The following CLSTN2 variants were observed in gnomAD, a reference collection of about 807,000 sequenced individuals.
The protein encoded by CLSTN2 is calsyntenin 2.
In CLSTN2, 48 loss-of-function variants were observed where a neutral mutation model predicts 101.2. That is an observed-to-expected ratio of 0.47 (90% CI 0.38 to 0.60). CLSTN2 has a LOEUF of 0.60. Ranked by LOEUF, CLSTN2 falls within the 20% of genes least tolerant of loss-of-function variation. The probability of loss-of-function intolerance (pLI) is 0.00; values close to 1 mark genes in which losing one functional copy is unlikely to be tolerated. For synonymous variants in CLSTN2, 481 were observed against 463.6 expected, an observed-to-expected ratio of 1.04 and a Z score of -0.48; for missense variants, 1,160 against 1,238.2, an observed-to-expected ratio of 0.94 and a Z score of 0.95.
intron 1 of CLSTN2, among the ~76,000 whole-genome samples, chr3:140,070,547 TACTG>T (rs1292416964): frequency 6.6e-6 from 1 of 152,240 alleles, no homozygotes; most frequent in Admixed American, 6.5e-5. Context: ...TTCAAAATCT[TACTG>T]AGGAACAAAA....
intron 2 of CLSTN2, among the ~76,000 whole-genome samples, chr3:140,370,948 G>A (rs182446969): frequency 1.0e-3 from 155 of 152,270 alleles, no homozygotes; most frequent in Non-Finnish European, 8.8e-4. Context: ...TGGCTGCGAG[G>A]GCATGGTGGC....
chr3:140,542,662 GC>G (rs1935507274), intron 9 of CLSTN2, among the ~76,000 whole-genome samples: 2 of 152,032 alleles, frequency 1.3e-5, no homozygotes, highest in South Asian at 2.1e-4. Context: ...ATTTCCTGGA[GC>G]CTTGTCACTG....
intron 2 of CLSTN2, among the ~76,000 whole-genome samples, chr3:140,223,672 C>T (rs1157369764): frequency 6.6e-6 from 1 of 152,158 alleles, no homozygotes; most frequent in African/African-American, 2.4e-5. Context: ...TACTCTGTTT[C>T]CTGTGCCTCT....
chr3:140,162,383 G>A (rs1403540110), intron 1 of CLSTN2, among the ~76,000 whole-genome samples: 1 of 152,144 alleles, frequency 6.6e-6, no homozygotes, highest in Non-Finnish European at 1.5e-5. Context: ...AGATAAGCAG[G>A]GGACTTTGGG....
At chr3:140,183,279 G>A (rs936356344) in intron 2 of CLSTN2, among the ~76,000 whole-genome samples, 1 of 152,144 alleles carries the variant, frequency 6.6e-6, no homozygotes, top group African/African-American at 2.4e-5. Context: ...GACACCCAGG[G>A]AGACAGACTA....
intron 6 of CLSTN2, among the ~76,000 whole-genome samples, chr3:140,450,198 A>C (rs1005248875): frequency 2.0e-5 from 3 of 152,180 alleles, no homozygotes; most frequent in African/African-American, 7.2e-5. Context: ...TGAGGCCCAG[A>C]GAGTGAAAAT....
intron 2 of CLSTN2, among the ~76,000 whole-genome samples, chr3:140,393,417 C>A (rs936443511): frequency 6.6e-6 from 1 of 152,172 alleles, no homozygotes; most frequent in Non-Finnish European, 1.5e-5. Flanking sequence ...ACCTCAAATA[C>A]GTTTAATTGT....
chr3:140,107,126 C>T (rs866178705), intron 1 of CLSTN2, among the ~76,000 whole-genome samples: 1 of 152,144 alleles, frequency 6.6e-6, no homozygotes, highest in Non-Finnish European at 1.5e-5. Flanking sequence ...TAGAGGGCTC[C>T]CAACATCAGA....
At chr3:140,467,691 C>T (rs998074676) in intron 8 of CLSTN2, among the ~76,000 whole-genome samples, 1 of 152,146 alleles carries the variant, frequency 6.6e-6, no homozygotes, top group South Asian at 2.1e-4. Flanking sequence ...TACTACACTA[C>T]CTGCCTCACC....
chr3:140,477,495 A>G (rs1934013088), intron 8 of CLSTN2, among the ~76,000 whole-genome samples: 1 of 152,214 alleles, frequency 6.6e-6, no homozygotes, highest in Non-Finnish European at 1.5e-5. Context: ...GAGGGAAAAA[A>G]GGGAAACTAG....
chr3:140,295,272 T>G (rs1238598470), intron 2 of CLSTN2, among the ~76,000 whole-genome samples: 3 of 152,184 alleles, frequency 2.0e-5, no homozygotes, highest in Non-Finnish European at 4.4e-5. Flanking sequence ...TTTGCGCATT[T>G]CTTTGTGGAA....
rs71627883 is a variant in CLSTN2 at position 140,533,710 on chromosome 3, C to CAA, written c.1507+1245_1507+1246dup. On this transcript the variant is annotated intron_variant, in intron 9 of 16. Transcript: ENST00000458420. ...TGGGCAATGGAACGAGACTCCATCT[C>CAA]AAAAAAAAAAAAAAAAAAAAAAGAA... Among the ~76,000 whole-genome samples, 204 of 58,132 alleles carry CAA rather than the reference C, an allele frequency of 3.5e-3. 3 individuals are homozygous for CAA. The highest frequency in any genetic ancestry group is 0.023 in the Middle Eastern group (2 of 86). 38.1% of individuals were successfully genotyped at this position (58,132 alleles called of 152,430 possible).
At chr3:139,973,803 T>G (rs114101444) in intron 1 of CLSTN2, among the ~76,000 whole-genome samples, 1,842 of 152,218 alleles carry the variant, frequency 0.012, 26 homozygotes, top group African/African-American at 0.042. Context: ...CATGCCCAGC[T>G]AAATTTTTAA....
chr3:140,287,535 T>C (rs1241214361), intron 2 of CLSTN2, among the ~76,000 whole-genome samples: 2 of 152,196 alleles, frequency 1.3e-5, no homozygotes, highest in Non-Finnish European at 2.9e-5. Flanking sequence ...CTACTTCAAT[T>C]ATACCTCACT....
chr3:140,159,017 G>A lies in CLSTN2; in HGVS notation c.110-16934G>A, dbSNP rs545557572. Among the ~76,000 whole-genome samples the A allele has an allele frequency of 2.0e-4, 31 of 152,194 alleles. No homozygotes were observed. The South Asian group carries it at 6.2e-3, about 31-fold the overall frequency. ...ACTGGACCCCTACCTTTTACCATGT[G>A]CAAAAATTAACTCAAATTGGATTAA... On this transcript the variant is annotated intron_variant, in intron 1 of 16. Coordinates refer to ENST00000458420, the MANE Select transcript of CLSTN2 (RefSeq NM_022131.3).
intron 1 of CLSTN2, among the ~76,000 whole-genome samples, chr3:140,083,791 G>C (rs2008636911): frequency 6.6e-6 from 1 of 152,158 alleles, no homozygotes; most frequent in Non-Finnish European, 1.5e-5. Context: ...GCAGCCCATG[G>C]GACATCTGTG....
intron 1 of CLSTN2, among the ~76,000 whole-genome samples, chr3:140,089,756 A>C (rs2008744091): frequency 6.6e-6 from 1 of 151,608 alleles, no homozygotes; most frequent in African/African-American, 2.4e-5. Flanking sequence ...GACTACAGGC[A>C]TGCACCACCA....
At chr3:140,461,743 G>A (rs1398134882) in intron 7 of CLSTN2, among the ~76,000 whole-genome samples, 1 of 152,046 alleles carries the variant, frequency 6.6e-6, no homozygotes, top group Non-Finnish European at 1.5e-5. Flanking sequence ...GCTGAACTTG[G>A]CCTCAACTGT....
At chr3:140,552,581 G>C (rs1935723506) in intron 10 of CLSTN2, among the ~76,000 whole-genome samples, 1 of 152,096 alleles carries the variant, frequency 6.6e-6, no homozygotes, top group Non-Finnish European at 1.5e-5. Context: ...TCTCTCTACA[G>C]GTGGCTGCAG....
Sources: gnomAD v4.1 joint callset for allele counts (sites outside exome capture counted in the v4.1 genomes callset) on GRCh38, gnomAD v4.1.1 for gene constraint, MANE v1.5 for transcripts, NCBI Gene and HGNC (gene_info 2026-07-23, HGNC 2026-07-21) for gene names.